The following VPS54 variants were observed in gnomAD, a reference collection of about 807,000 sequenced individuals.
VPS54 encodes vacuolar protein sorting-associated protein 54.
VPS54 carries 45 observed loss-of-function variants against 121.5 expected under a neutral mutation model. That is an observed-to-expected ratio of 0.37 (90% CI 0.29 to 0.47). The LOEUF (loss-of-function observed/expected upper bound fraction) is 0.47, where lower values mean the gene tolerates loss of function less well. Among genes scored for constraint, VPS54 ranks in the 20% least tolerant of loss-of-function variants. The pLI, the probability that VPS54 is intolerant of heterozygous loss-of-function variation, is 0.99. For synonymous variants in VPS54, 371 were observed against 385.8 expected, an observed-to-expected ratio of 0.96 and a Z score of 0.45; for missense variants, 1,090 against 1,131.4, an observed-to-expected ratio of 0.96 and a Z score of 0.52.
chr2:64,013,627 TATATA>T (rs1678538302), intron 1 of VPS54, among the ~76,000 whole-genome samples: 1 of 146,106 alleles, frequency 6.8e-6, no homozygotes, highest in African/African-American at 2.5e-5. Context: ...TCAGCATTTA[TATATA>T]AATATATATC....
intron 3 of VPS54, chr2:63,975,165 C>A: frequency 1.4e-6 from 1 of 733,164 alleles, no homozygotes; most frequent in Non-Finnish European, 2.1e-6. Flanking sequence ...CATGCCTCAG[C>A]CTCCCAAGTA....
In VPS54 at chr2:63,944,764, A is replaced by G. The variant is rs907056756; in HGVS notation, c.1246-109T>C. 8.1e-6 allele frequency: 7 copies of G among 859,432 alleles called. No homozygotes were observed. The African/African-American group carries it at 1.0e-4, about 13-fold the overall frequency. The allele number at this position is 859,432 out of a possible 1,614,324, so 53.2% of individuals were successfully genotyped here. ...AAAGGCCCTTACTATATGAACAGAC[A>G]CTTTTCAAAAAAGGACATACATGTG... is the stretch of plus-strand genomic sequence containing the variant. On this transcript the variant is annotated intron_variant, in intron 9 of 22. Transcript: ENST00000272322.
intron 12 of VPS54, 113 bp from the exon 13 acceptor site, chr2:63,921,448 A>T: frequency 8.7e-7 from 1 of 1,155,244 alleles, no homozygotes; most frequent in African/African-American, 1.5e-5. Flanking sequence ...TTTGAAGAAA[A>T]ATTCTATGAT....
chr2:63,962,763 GA>G (rs1675827089), intron 6 of VPS54, among the ~76,000 whole-genome samples: 1 of 152,074 alleles, frequency 6.6e-6, no homozygotes, highest in African/African-American at 2.4e-5. Context: ...TCCAGTTTCA[GA>G]TGTTCTAAGA....
At chr2:63,961,486 A>T (rs1175856770) in intron 7 of VPS54, among the ~76,000 whole-genome samples, 3 of 151,342 alleles carry the variant, frequency 2.0e-5, no homozygotes, top group African/African-American at 7.3e-5. Context: ...TGCTTAATGG[A>T]ACGAAATTTT....
intron 20 of VPS54, among the ~76,000 whole-genome samples, chr2:63,909,872 C>T (rs1673073012): frequency 6.6e-6 from 1 of 150,892 alleles, no homozygotes; most frequent in African/African-American, 2.4e-5. Context: ...TTACAGGTGC[C>T]CACCACCACG....
At chr2:63,976,220 C>T (rs752832690) in intron 3 of VPS54, among the ~76,000 whole-genome samples, 2 of 151,710 alleles carry the variant, frequency 1.3e-5, no homozygotes, top group African/African-American at 4.8e-5. Flanking sequence ...TGTGGTGGTG[C>T]TCGCCTGCAG....
intron 1 of VPS54, among the ~76,000 whole-genome samples, chr2:64,011,578 AATTG>A (rs1291804838): frequency 1.3e-5 from 2 of 152,156 alleles, no homozygotes; most frequent in African/African-American, 2.4e-5. Context: ...AGAAAAAAAA[AATTG>A]ATTAAGGGTC....
At position 63,942,494 on chromosome 2, in the gene VPS54, T is replaced by C. The variant is rs768070165; in HGVS notation, c.1369A>G (p.Lys457Glu). 5.6e-6 allele frequency: 9 copies of C among 1,596,788 alleles called. No individual in the cohort carries two copies. Among genetic ancestry groups the C allele is most frequent in the African/African-American group, 1.3e-5 (1 of 74,492 alleles). The change falls in exon 11 of 23, where the codon AAG becomes GAG. Residue 457 changes from lysine (K) to glutamate (E), a missense_variant. Around this residue, in one of 2 missense-constraint regions of VPS54, gnomAD observed 801 missense variants for 757.0 expected, o/e 1.06. Coordinates refer to ENST00000272322, the MANE Select transcript of VPS54 (RefSeq NM_016516.3). ...WFDLLKDIFS[K>E]FTIFLQRVKA... ...ACTCTCTGTAGGAAAATTGTAAACTTAGAGAAAATATCCTTGAGCAGATCA... is the reference window on the plus strand; with the variant it reads ...ACTCTCTGTAGGAAAATTGTAAACTCAGAGAAAATATCCTTGAGCAGATCA...
At position 63,922,276 on chromosome 2, in the gene VPS54, A is replaced by G. The variant is rs530150964; in HGVS notation, c.1740-941T>C. ...ACCAATGATTCCATGCCATCAGTTC[A>G]GTTTAGTGTTACCATGAGCCAAGTG... On this transcript the variant is annotated intron_variant, in intron 12 of 22. Transcript: ENST00000272322. Among the ~76,000 whole-genome samples the G allele has an allele frequency of 2.6e-3, 400 of 152,336 alleles. 1 individual carries two copies. The highest frequency in any genetic ancestry group is 0.01 in the Middle Eastern group (3 of 294).
chr2:63,934,283 A>T (rs1294504677), intron 11 of VPS54, among the ~76,000 whole-genome samples: 2 of 152,188 alleles, frequency 1.3e-5, no homozygotes, highest in African/African-American at 4.8e-5. Context: ...AATATGTTGC[A>T]TATTTCTCTG....
intron 1 of VPS54, among the ~76,000 whole-genome samples, chr2:63,985,849 C>T (rs1457214301): frequency 6.6e-6 from 1 of 152,130 alleles, no homozygotes; most frequent in African/African-American, 2.4e-5. Flanking sequence ...CATTTATATC[C>T]ACACACATTA....
intron 7 of VPS54, among the ~76,000 whole-genome samples, chr2:63,953,647 G>A (rs1559018038): frequency 6.6e-6 from 1 of 152,106 alleles, no homozygotes; most frequent in Non-Finnish European, 1.5e-5. Flanking sequence ...CAGCAAGGTG[G>A]AGAACAGTAT....
intron 4 of VPS54, among the ~76,000 whole-genome samples, chr2:63,971,600 G>A (rs1405892657): frequency 1.3e-5 from 2 of 152,040 alleles, no homozygotes; most frequent in Non-Finnish European, 2.9e-5. Flanking sequence ...TCAAACTAAC[G>A]ACTTTAAAAC....
chr2:63,952,623 T>C (rs189225798), intron 7 of VPS54, among the ~76,000 whole-genome samples: 56 of 152,340 alleles, frequency 3.7e-4, no homozygotes, highest in African/African-American at 1.3e-3. Context: ...GTGATAATTA[T>C]GAAACAAATC....
At chr2:63,910,870 T>C (rs1486528547) in intron 20 of VPS54, among the ~76,000 whole-genome samples, 1 of 152,180 alleles carries the variant, frequency 6.6e-6, no homozygotes, top group Non-Finnish European at 1.5e-5. Context: ...CTTTGGTTTT[T>C]CTTCATTGTA....
intron 1 of VPS54, among the ~76,000 whole-genome samples, chr2:63,996,294 A>G (rs1677586746): frequency 6.6e-6 from 1 of 152,162 alleles, no homozygotes; most frequent in African/African-American, 2.4e-5. Context: ...TAAATTGTGA[A>G]CATTTCATGG....
At chr2:63,913,627 A>G (rs762676903) in intron 17 of VPS54, among the ~76,000 whole-genome samples, 6 of 152,344 alleles carry the variant, frequency 3.9e-5, no homozygotes, top group Non-Finnish European at 8.8e-5. Context: ...TTCAAAAGTT[A>G]TAAAAATCTG....
intron 1 of VPS54, among the ~76,000 whole-genome samples, chr2:64,014,621 CCTTA>C (rs908027704): frequency 1.9e-5 from 2 of 106,034 alleles, no homozygotes; most frequent in Non-Finnish European, 5.0e-5. Context: ...CTATTCTCCG[CCTTA>C]CTATCTACAT....
Sources: gnomAD v4.1 joint callset for allele counts (sites outside exome capture counted in the v4.1 genomes callset) on GRCh38, gnomAD v4.1.1 for gene constraint, gnomAD v4.1.1 regional missense constraint, MANE v1.5 for transcripts, NCBI Gene and HGNC (gene_info 2026-07-23, HGNC 2026-07-21) for gene names.